CFDP1: variants seen among roughly 807,000 people sequenced by gnomAD.
CFDP1 encodes the protein chromatin remodeling protein CFDP1.
Under a neutral mutation model 40.1 loss-of-function variants are expected in CFDP1, and 31 were observed. That is an observed-to-expected ratio of 0.77 (90% confidence interval 0.58 to 1.04). The LOEUF (loss-of-function observed/expected upper bound fraction) is 1.04, where lower values mean the gene tolerates loss of function less well. Among genes scored for constraint, CFDP1 ranks in the 50% least tolerant of loss-of-function variants. The probability of loss-of-function intolerance (pLI) is 0.00; values close to 1 mark genes in which losing one functional copy is unlikely to be tolerated. For synonymous variants in CFDP1, 167 were observed against 120.0 expected (o/e 1.39, Z -2.56); for missense variants, 423 against 343.4 (o/e 1.23, Z -1.83).
In CFDP1 at chr16:75,412,775, G is replaced by C. The variant is rs749403789; in HGVS notation, c.183-21C>G. 2.5e-6 allele frequency: 4 copies of C among 1,592,780 alleles called. No individual in the cohort carries two copies. The African/African-American group carries it at 5.4e-5, about 21-fold the overall frequency. On this transcript the variant is annotated intron_variant, in intron 2 of 6. Transcript: ENST00000283882. ...TCTTCCTAATCACCAGCAGTCACAG[G>C]AAAAAGGAAAGACAGCACAAAACGA...
intron 5 of CFDP1, among the ~76,000 whole-genome samples, chr16:75,309,927 C>G (rs892138365): frequency 6.6e-6 from 1 of 150,542 alleles, no homozygotes; most frequent in African/African-American, 2.4e-5. Context: ...GCCAGAAAGT[C>G]TGCTTTAACA....
At chr16:75,350,883 T>A in intron 5 of CFDP1, among the ~76,000 whole-genome samples, 1 of 152,044 alleles carries the variant, frequency 6.6e-6, no homozygotes, top group East Asian at 1.9e-4. Context: ...CAAAAATAAA[T>A]GAACCTAATG....
intron 1 of CFDP1, among the ~76,000 whole-genome samples, chr16:75,425,994 CCACTG>C (rs2079338228): frequency 9.0e-6 from 1 of 111,348 alleles, no homozygotes; most frequent in Non-Finnish European, 1.7e-5. Flanking sequence ...TGAGATCATG[CCACTG>C]CACTCAAGCC....
intron 5 of CFDP1, among the ~76,000 whole-genome samples, chr16:75,320,823 A>G (rs2078357930): frequency 6.6e-6 from 1 of 152,238 alleles, no homozygotes; most frequent in Non-Finnish European, 1.5e-5. Context: ...CAAATAAAAG[A>G]ACAAAATCCA....
chr16:75,364,382 C>G (rs1424281499), intron 5 of CFDP1, among the ~76,000 whole-genome samples: 1 of 152,156 alleles, frequency 6.6e-6, no homozygotes, highest in Non-Finnish European at 1.5e-5. Flanking sequence ...ATATATTAAA[C>G]CTGCAGTTCT....
At chr16:75,390,931 G>C (rs918203147) in intron 5 of CFDP1, among the ~76,000 whole-genome samples, 1 of 152,322 alleles carries the variant, frequency 6.6e-6, no homozygotes, top group African/African-American at 2.4e-5. Context: ...ACCACTTTGT[G>C]AGAAAGTATC....
chr16:75,426,350 C>CA (rs1398391688), intron 1 of CFDP1, among the ~76,000 whole-genome samples: 3 of 150,212 alleles, frequency 2.0e-5, no homozygotes, highest in Admixed American at 6.6e-5. Context: ...AACTCTATCT[C>CA]AAAAAAACAA....
intron 1 of CFDP1, among the ~76,000 whole-genome samples, chr16:75,426,143 G>A (rs901172104): frequency 6.6e-6 from 1 of 150,948 alleles, no homozygotes; most frequent in Admixed American, 6.6e-5. Context: ...CTGAGGTTGG[G>A]AGTTCAAGAC....
chr16:75,324,049 G>A (rs537097778), intron 5 of CFDP1, among the ~76,000 whole-genome samples: 1 of 152,330 alleles, frequency 6.6e-6, no homozygotes, highest in South Asian at 2.1e-4. Context: ...TTATCGTTGA[G>A]TGCCTTCAGT....
chr16:75,322,845 T>TA (rs978585391), intron 5 of CFDP1, among the ~76,000 whole-genome samples: 5 of 151,662 alleles, frequency 3.3e-5, no homozygotes, highest in Non-Finnish European at 7.4e-5. Flanking sequence ...GTATAAAAGA[T>TA]AAAAAAAGGT....
At chr16:75,390,110 A>G (rs895468654) in intron 5 of CFDP1, among the ~76,000 whole-genome samples, 1 of 152,174 alleles carries the variant, frequency 6.6e-6, no homozygotes, top group Non-Finnish European at 1.5e-5. Context: ...ATTTCACTTT[A>G]CCCTGTTTAT....
Position 75,374,325 on chromosome 16 carries a change from A to G in CFDP1, c.650+20765T>C, listed in dbSNP as rs557600250. On this transcript the variant is annotated intron_variant, in intron 5 of 6. Coordinates refer to ENST00000283882, the MANE Select transcript of CFDP1 (RefSeq NM_006324.3). The stretch of plus-strand genomic sequence containing the variant: ...AGAATCAGATAAATGTATAGGCAAT[A>G]AGATGAAATATGTTAGTATATGTAT... Among the ~76,000 whole-genome samples, 29 of 152,326 alleles carry G rather than the reference A, an allele frequency of 1.9e-4. No homozygotes were observed. The South Asian group carries it at 3.3e-3, about 17-fold the overall frequency.
In CFDP1 at chr16:75,366,156, A is replaced by G. The variant is rs185441215; in HGVS notation, c.650+28934T>C. On this transcript the variant is annotated intron_variant, in intron 5 of 6. Transcript: ENST00000283882. ...ATGTCCATCAACTGATGAATGGGAT[A>G]AGTATAATGTGGTATAGCTATAAAG... Among the ~76,000 whole-genome samples, 47 of 152,352 alleles carry G rather than the reference A, an allele frequency of 3.1e-4. No individual in the cohort carries two copies. The East Asian group carries it at 8.3e-3, about 27-fold the overall frequency.
At chr16:75,312,938 G>T (rs777662448) in intron 5 of CFDP1, among the ~76,000 whole-genome samples, 5 of 152,144 alleles carry the variant, frequency 3.3e-5, no homozygotes, top group Non-Finnish European at 7.4e-5. Context: ...GATGGGTATA[G>T]GGGCTCTGAA....
intron 5 of CFDP1, among the ~76,000 whole-genome samples, chr16:75,333,907 G>A (rs990363261): frequency 1.3e-5 from 2 of 152,136 alleles, no homozygotes; most frequent in Admixed American, 1.3e-4. Flanking sequence ...CAAAAATAAG[G>A]AAGGAAGTTA....
chr16:75,382,346 A>C (rs2078859669), intron 5 of CFDP1, among the ~76,000 whole-genome samples: 3 of 152,192 alleles, frequency 2.0e-5, no homozygotes, highest in African/African-American at 7.2e-5. Flanking sequence ...TGCTTTCATT[A>C]TGGTGTTAGA....
chr16:75,428,487 A>T (rs2079367585), intron 1 of CFDP1, among the ~76,000 whole-genome samples: 1 of 151,912 alleles, frequency 6.6e-6, no homozygotes, highest in Admixed American at 6.6e-5. Context: ...GTGTGGTGGC[A>T]CGCGCCTGTA....
intron 5 of CFDP1, 103 bp downstream of exon 5, chr16:75,394,987 T>C (rs1461386182): frequency 7.3e-7 from 1 of 1,377,612 alleles, no homozygotes; most frequent in Non-Finnish European, 1.0e-6. Context: ...ATCATAATTC[T>C]CTCTCTCAGG....
At chr16:75,337,323 T>C (rs1030489019) in intron 5 of CFDP1, among the ~76,000 whole-genome samples, 4 of 152,208 alleles carry the variant, frequency 2.6e-5, no homozygotes, top group African/African-American at 9.6e-5. Flanking sequence ...CCATGGGTAC[T>C]GGCACTGGAA....
Sources: allele counts gnomAD v4.1 joint callset (sites outside exome capture counted in the v4.1 genomes callset), GRCh38; gene constraint gnomAD v4.1.1; transcripts MANE v1.5; gene names NCBI Gene and HGNC (gene_info 2026-07-23, HGNC 2026-07-21).